Variants in SPATA1 observed in about 807,000 individuals in gnomAD.
SPATA1 encodes spermatogenesis associated 1.
A neutral mutation model predicts 59.6 loss-of-function variants in SPATA1; 57 were observed. The observed-to-expected ratio is 0.96, with a 90% CI of 0.77 to 1.19. The LOEUF (loss-of-function observed/expected upper bound fraction) is 1.19. Among genes scored for constraint, SPATA1 ranks in the 50% most tolerant of loss-of-function variants. The pLI, the probability that SPATA1 is intolerant of heterozygous loss-of-function variation, is 0.00. For synonymous variants in SPATA1, 147 were observed against 163.9 expected, an observed-to-expected ratio of 0.90 and a Z score of 0.79; for missense variants, 448 against 480.7, an observed-to-expected ratio of 0.93 and a Z score of 0.64.
intron 8 of SPATA1, among the ~76,000 whole-genome samples, chr1:84,543,413 G>A (rs1316192073): frequency 2.0e-5 from 3 of 152,134 alleles, no homozygotes; most frequent in Non-Finnish European, 4.4e-5. Flanking sequence ...TCACGGTTCT[G>A]CAGGCTGTAC....
At chr1:84,509,224 A>G (rs912604553) in intron 1 of SPATA1, among the ~76,000 whole-genome samples, 2 of 151,524 alleles carry the variant, frequency 1.3e-5, no homozygotes, top group Admixed American at 6.6e-5. Context: ...AAAAAAAAAC[A>G]TAGACCAGTA....
At chr1:84,554,743 C>A, downstream of SPATA1, 2 of 304,750 alleles carry the variant, frequency 6.6e-6, no homozygotes, top group Non-Finnish European at 6.0e-6. Context: ...GCAATTTTTC[C>A]CAATTAAATT....
downstream of SPATA1, among the ~76,000 whole-genome samples, chr1:84,558,272 T>C (rs117661121): frequency 8.0e-3 from 1,219 of 151,658 alleles, 56 homozygotes; most frequent in East Asian, 0.13. Context: ...TAAATACAGA[T>C]AATTTTTGCC....
chr1:84,542,570 G>A (rs1283203181), intron 8 of SPATA1, among the ~76,000 whole-genome samples: 2 of 151,896 alleles, frequency 1.3e-5, no homozygotes, highest in South Asian at 2.1e-4. Context: ...CGTGATTGGT[G>A]TTTGCTATTA....
intron 4 of SPATA1, chr1:84,563,152 G>A: frequency 1.4e-6 from 1 of 721,416 alleles, no homozygotes; most frequent in Non-Finnish European, 2.1e-6. Context: ...TGCATGTTAT[G>A]CCCTAAAAGA....
chr1:84,519,589 G>C (rs1490463838), intron 2 of SPATA1, among the ~76,000 whole-genome samples: 1 of 151,812 alleles, frequency 6.6e-6, no homozygotes, highest in African/African-American at 2.4e-5. Context: ...GTATAGCTAG[G>C]GGTTAATCTT....
At chr1:84,531,570 C>CTTT (rs11344822) in intron 6 of SPATA1, among the ~76,000 whole-genome samples, 22 of 105,214 alleles carry the variant, frequency 2.1e-4, no homozygotes, top group South Asian at 6.7e-4. Flanking sequence ...TTTGGCAAGT[C>CTTT]TTTTTTTTTT....
At chr1:84,511,891 A>C (rs1219126374) in intron 1 of SPATA1, among the ~76,000 whole-genome samples, 1 of 151,990 alleles carries the variant, frequency 6.6e-6, no homozygotes, top group African/African-American at 2.4e-5. Flanking sequence ...ATAGTTGGTC[A>C]GGCTGGTCTC....
chr1:84,539,207 T>C (rs1433850474), intron 8 of SPATA1, among the ~76,000 whole-genome samples: 1 of 152,214 alleles, frequency 6.6e-6, no homozygotes, highest in African/African-American at 2.4e-5. Context: ...ATCACGGCTC[T>C]AAGCCCTTGG....
intron 8 of SPATA1, among the ~76,000 whole-genome samples, chr1:84,534,495 G>A (rs555552440): frequency 1.3e-5 from 2 of 152,092 alleles, no homozygotes; most frequent in African/African-American, 4.8e-5. Context: ...GAGGCACAGA[G>A]AGGTTCCATG....
intron 4 of SPATA1, chr1:84,563,592 G>A: frequency 1.6e-6 from 1 of 642,644 alleles, no homozygotes; most frequent in Non-Finnish European, 2.4e-6. Context: ...ATAATCATAA[G>A]CTTTCATAGA....
At chr1:84,526,337 T>C (rs1454305157) in intron 6 of SPATA1, among the ~76,000 whole-genome samples, 2 of 152,166 alleles carry the variant, frequency 1.3e-5, no homozygotes, top group Non-Finnish European at 2.9e-5. Flanking sequence ...ACTTCTTTTT[T>C]AATAAAATAG....
intron 11 of SPATA1, chr1:84,549,725 C>G (rs1684213465): frequency 6.6e-6 from 1 of 151,718 alleles, no homozygotes; most frequent in African/African-American, 2.4e-5. Context: ...CCCACTTATC[C>G]AAAAGTAATT....
intron 10 of SPATA1, among the ~76,000 whole-genome samples, chr1:84,546,542 C>T (rs144201190): frequency 1.1e-3 from 167 of 150,182 alleles, no homozygotes; most frequent in African/African-American, 3.9e-3. Context: ...AAAGGGAGAA[C>T]GCCTAAATTA....
chr1:84,552,542 G>A (rs1684306616), intron 12 of SPATA1: 1 of 151,862 alleles, frequency 6.6e-6, no homozygotes, highest in Non-Finnish European at 1.5e-5. Context: ...ACTAGTATCT[G>A]ATTCTGTAAA....
chr1:84,509,757 C>T (rs1399992601), intron 1 of SPATA1, among the ~76,000 whole-genome samples: 1 of 152,066 alleles, frequency 6.6e-6, no homozygotes, highest in East Asian at 1.9e-4. Flanking sequence ...CAGAGTGAGA[C>T]CCATCTCTCA....
chr1:84,555,094 T>G (rs1684389025), downstream of SPATA1: 12 of 1,614,022 alleles, frequency 7.4e-6, no homozygotes, highest in Non-Finnish European at 1.0e-5. Flanking sequence ...CAGTTTGCAT[T>G]CCACATGCCA....
At chr1:84,547,901 G>A (rs1684140430) in intron 10 of SPATA1, among the ~76,000 whole-genome samples, 1 of 152,150 alleles carries the variant, frequency 6.6e-6, no homozygotes, top group Non-Finnish European at 1.5e-5. Context: ...AGAAAGATCA[G>A]AATGACTGCT....
At chr1:84,551,172 G>C in intron 12 of SPATA1, 1 of 985,180 alleles carries the variant, frequency 1.0e-6, no homozygotes, top group Non-Finnish European at 1.2e-6. Flanking sequence ...ACAGAAAACA[G>C]AAGATTATAC....
Sources: gnomAD v4.1 joint callset for allele counts (sites outside exome capture counted in the v4.1 genomes callset) on GRCh38, gnomAD v4.1.1 for gene constraint, MANE v1.5 for transcripts, NCBI Gene and HGNC (gene_info 2026-07-23, HGNC 2026-07-21) for gene names.